Variants in ARHGEF2 observed in about 807,000 individuals in gnomAD.
The protein encoded by ARHGEF2 is rho guanine nucleotide exchange factor 2.
A neutral mutation model predicts 121.0 loss-of-function variants in ARHGEF2; 22 were observed. That is an observed-to-expected ratio of 0.18 (90% CI 0.13 to 0.26). The LOEUF is 0.26. Ranked by LOEUF, ARHGEF2 falls within the 10% of genes least tolerant of loss-of-function variation. ARHGEF2 has a pLI of 1.00. For synonymous variants in ARHGEF2, 487 were observed against 530.0 expected, an observed-to-expected ratio of 0.92 and a Z score of 1.11; for missense variants, 907 against 1,336.0, an observed-to-expected ratio of 0.68 and a Z score of 5.01.
intron 1 of ARHGEF2, among the ~76,000 whole-genome samples, chr1:155,975,093 T>A (rs1558054111): frequency 2.0e-5 from 3 of 150,396 alleles, no homozygotes; most frequent in Non-Finnish European, 4.4e-5. Flanking sequence ...CTCACTCAGC[T>A]CCTAGATGAT....
chr1:155,964,054 A>C (rs1404303999), intron 7 of ARHGEF2, among the ~76,000 whole-genome samples: 1 of 148,424 alleles, frequency 6.7e-6, no homozygotes, highest in Non-Finnish European at 1.5e-5. Context: ...CTGAGGCAGG[A>C]GAATTGCTTG....
intron 13 of ARHGEF2, among the ~76,000 whole-genome samples, chr1:155,956,504 T>C (rs1354225824): frequency 1.3e-5 from 2 of 151,924 alleles, no homozygotes. Context: ...TGAGAACTGA[T>C]TCCCTGAAAG....
chr1:155,959,016 C>T (rs1464199601), intron 11 of ARHGEF2, among the ~76,000 whole-genome samples: 1 of 152,042 alleles, frequency 6.6e-6, no homozygotes, highest in Non-Finnish European at 1.5e-5. Flanking sequence ...CTACAGAAAA[C>T]CCTTTCTACC....
chr1:155,977,657 G>T (rs1681537036), intron 1 of ARHGEF2, among the ~76,000 whole-genome samples: 1 of 152,200 alleles, frequency 6.6e-6, no homozygotes, highest in Non-Finnish European at 1.5e-5. Context: ...GAAGGGCTCA[G>T]GATGGAGGAA....
chr1:155,971,235 C>T (rs533318665), intron 1 of ARHGEF2, among the ~76,000 whole-genome samples: 59 of 152,202 alleles, frequency 3.9e-4, no homozygotes, highest in African/African-American at 1.4e-3. Flanking sequence ...GAAAATGCTC[C>T]CTTTGGTCTA....
chr1:155,962,308 G>A lies in ARHGEF2; in HGVS notation c.1102-86C>T. On this transcript the variant is annotated intron_variant, in intron 9 of 21. Transcript: ENST00000361247. The surrounding 1 kb of genome is among the most constrained non-coding windows in gnomAD (Gnocchi z 5.8). ...TGAGCTCTGGTGCTGGCCCTGGCGT[G>A]GCCATTTACCTCATGCTTGCCTAGG... The A allele has an allele frequency of 7.2e-7, 1 of 1,388,190 alleles. No individual in the cohort carries two copies. The highest frequency in any genetic ancestry group is 1.0e-6 in the Non-Finnish European group (1 of 994,370). 86.0% of individuals were successfully genotyped at this position (1,388,190 alleles called of 1,614,324 possible). A position where few individuals can be genotyped will look rare whatever the true frequency, so the allele number is the denominator to read the frequency against.
At chr1:155,970,945 ATCC>A in intron 1 of ARHGEF2, 1 of 985,762 alleles carries the variant, frequency 1.0e-6, no homozygotes, top group Non-Finnish European at 1.2e-6. Flanking sequence ...CATTTTTCGC[ATCC>A]TCCTCCTGTC....
intron 3 of ARHGEF2, 129 bp from the exon 4 acceptor site, chr1:155,966,608 C>A: frequency 8.8e-7 from 1 of 1,131,318 alleles, no homozygotes; most frequent in Non-Finnish European, 1.3e-6. Flanking sequence ...TTAAGGGGAT[C>A]AGGGTGATTG....
At chr1:155,963,314 G>A in intron 7 of ARHGEF2, 131 bp from the exon 8 acceptor site, 1 of 692,152 alleles carries the variant, frequency 1.4e-6, no homozygotes, top group Non-Finnish European at 2.3e-6. Context: ...GCATTATTAT[G>A]ATCTTAGATA....
chr1:155,953,219 TCA>T (rs987811634), intron 14 of ARHGEF2, among the ~76,000 whole-genome samples: 3 of 140,408 alleles, frequency 2.1e-5, no homozygotes, highest in African/African-American at 8.0e-5. Flanking sequence ...GAGGCCGAGA[TCA>T]CACCACTGCA....
Position 155,963,094 on chromosome 1 carries a change from C to T in ARHGEF2, c.814G>A (p.Glu272Lys). ...AACAGGCCCTGGACCACTCCTGGCT[C>T]CAAGTGTAGCTCTTCCAGCATCCCC... The part of the protein sequence containing the change: ...RTGMLEELHL[E>K]PGVVQGLFPC... Residue 272 changes from glutamate (E) to lysine (K), a missense_variant, in exon 8 of 22, where the codon GAG becomes AAG. Glu to Lys is a moderately conservative substitution (Grantham distance 56). Coordinates refer to ENST00000361247, the MANE Select transcript of ARHGEF2 (RefSeq NM_001162383.2). 1 of 1,614,086 alleles carries T rather than the reference C, an allele frequency of 6.2e-7. No homozygotes were observed. The highest frequency in any genetic ancestry group is 8.5e-7 in the Non-Finnish European group (1 of 1,180,020).
intron 1 of ARHGEF2, chr1:155,970,142 T>C: frequency 1.0e-6 from 1 of 985,442 alleles, no homozygotes; most frequent in Non-Finnish European, 1.2e-6. Context: ...GTTTCCTCTA[T>C]TGCTCCTTAC....
chr1:155,964,163 A>AT lies in ARHGEF2; in HGVS notation c.724+824_724+825insA, dbSNP rs1231114623. On this transcript the variant is annotated intron_variant, in intron 7 of 21. Coordinates refer to ENST00000361247, the MANE Select transcript of ARHGEF2 (RefSeq NM_001162383.2). ...CTGCTTCAAAAAAAAAAAAAAAAAA[A>AT]AAAAATATATATATATATATATATA... 7.2e-3 allele frequency among the ~76,000 whole-genome samples: 619 copies of AT among 85,432 alleles called. 20 individuals carry two copies. The highest frequency in any genetic ancestry group is 0.032 in the African/African-American group (546 of 16,894). The allele number at this position is 85,432 out of a possible 152,430, so 56.0% of individuals were successfully genotyped here. A position where few individuals can be genotyped will look rare whatever the true frequency, so the allele number is the denominator to read the frequency against.
chr1:155,967,192 G>T (rs1356197370), intron 2 of ARHGEF2, among the ~76,000 whole-genome samples: 1 of 152,176 alleles, frequency 6.6e-6, no homozygotes, highest in Non-Finnish European at 1.5e-5. Context: ...CTGGCTGCCA[G>T]AGATGAGCTC....
At chr1:155,963,673 TTA>T (rs1678447063) in intron 7 of ARHGEF2, among the ~76,000 whole-genome samples, 3 of 45,068 alleles carry the variant, frequency 6.7e-5, no homozygotes, top group South Asian at 2.1e-3. Flanking sequence ...AATTTTATTA[TTA>T]TTTTTTTTTT....
chr1:155,973,623 G>A (rs1159776007), intron 1 of ARHGEF2, among the ~76,000 whole-genome samples: 1 of 152,074 alleles, frequency 6.6e-6, no homozygotes, highest in East Asian at 1.9e-4. Flanking sequence ...GTGGGCACCT[G>A]TAATCCCAAC....
At chr1:155,964,425 G>A (rs1678922234) in intron 7 of ARHGEF2, among the ~76,000 whole-genome samples, 1 of 151,644 alleles carries the variant, frequency 6.6e-6, no homozygotes, top group African/African-American at 2.4e-5. Flanking sequence ...ACATGTCGAG[G>A]CTTCCCACAG....
chr1:155,963,104 CTCT>C lies in ARHGEF2; in HGVS notation c.801_803del (p.Glu268del). Reference sequence around the variant, plus strand: ...GGACCACTCCTGGCTCCAAGTGTAGCTCTTCCAGCATCCCCGTGCGGAAGAGGC... The same window carrying C: ...GGACCACTCCTGGCTCCAAGTGTAGCTCCAGCATCCCCGTGCGGAAGAGGC... On this transcript the variant is annotated inframe_deletion, in exon 8 of 22. Transcript: ENST00000361247. The C allele has an allele frequency of 6.2e-7, 1 of 1,614,090 alleles. No homozygotes were observed. The highest frequency in any genetic ancestry group is 8.5e-7 in the Non-Finnish European group (1 of 1,180,024).
At chr1:155,957,955 C>G in intron 12 of ARHGEF2, 73 bp from the exon 13 acceptor site, 1 of 1,478,802 alleles carries the variant, frequency 6.8e-7, no homozygotes. Context: ...TTCAATCCTT[C>G]TGGACGAGGA....
Sources: allele counts gnomAD v4.1 joint callset (sites outside exome capture counted in the v4.1 genomes callset), GRCh38; gene constraint gnomAD v4.1.1; non-coding constraint Gnocchi (gnomAD v3.1); transcripts MANE v1.5; gene names NCBI Gene and HGNC (gene_info 2026-07-23, HGNC 2026-07-21).